The following ARHGEF26 variants were observed in gnomAD, a reference collection of about 807,000 sequenced individuals.
The protein encoded by ARHGEF26 is Rho guanine nucleotide exchange factor 26.
ARHGEF26 carries 59 observed loss-of-function variants against 89.4 expected under a neutral mutation model. That is an observed-to-expected ratio of 0.66 (90% CI 0.54 to 0.82). The LOEUF (loss-of-function observed/expected upper bound fraction) is 0.82, where lower values mean the gene tolerates loss of function less well. Among genes scored for constraint, ARHGEF26 ranks in the 40% least tolerant of loss-of-function variants. The probability of loss-of-function intolerance (pLI) is 0.00; values close to 1 mark genes in which losing one functional copy is unlikely to be tolerated. For synonymous variants in ARHGEF26, 500 were observed against 428.4 expected (o/e 1.17, Z -2.06); for missense variants, 1,234 against 1,085.6 (o/e 1.14, Z -1.92).
chr3:154,215,357 C>G (rs1715652965), intron 9 of ARHGEF26, among the ~76,000 whole-genome samples: 1 of 152,072 alleles, frequency 6.6e-6, no homozygotes, highest in African/African-American at 2.4e-5. Flanking sequence ...TTCCCACTCC[C>G]CTACTCACCT....
At chr3:154,141,970 C>T (rs1336051284) in intron 4 of ARHGEF26, among the ~76,000 whole-genome samples, 1 of 152,146 alleles carries the variant, frequency 6.6e-6, no homozygotes, top group Non-Finnish European at 1.5e-5. Flanking sequence ...AAGGCTAAAA[C>T]CCAGCCTACC....
chr3:154,204,290 T>G (rs1714861044), intron 9 of ARHGEF26, among the ~76,000 whole-genome samples: 1 of 151,848 alleles, frequency 6.6e-6, no homozygotes, highest in South Asian at 2.1e-4. Context: ...TTCTACCAAT[T>G]TTGGGTTTGG....
intron 11 of ARHGEF26, among the ~76,000 whole-genome samples, chr3:154,231,268 CTGAT>C (rs1171202740): frequency 2.6e-5 from 4 of 152,134 alleles, no homozygotes; most frequent in African/African-American, 9.7e-5. Context: ...CTTGATTCCT[CTGAT>C]GTTATGAGGT....
At chr3:154,226,933 C>G (rs1357947767) in intron 11 of ARHGEF26, among the ~76,000 whole-genome samples, 1 of 152,118 alleles carries the variant, frequency 6.6e-6, no homozygotes, top group Admixed American at 6.5e-5. Flanking sequence ...ATTATAGAAA[C>G]AGATCTCTAT....
chr3:154,122,894 A>AC lies in ARHGEF26; in HGVS notation c.903dup (p.Val302ArgfsTer3), dbSNP rs1718076876. The AC allele has an allele frequency of 6.2e-7, 1 of 1,613,048 alleles. No individual in the cohort carries two copies. The highest frequency in any genetic ancestry group is 1.3e-5 in the African/African-American group (1 of 74,940). Reference sequence around the variant, plus strand: ...GGGGAGGAGAGTGAGGTCGATAACGACGTGGATAGCCCAGGGTCTCTGCGG... The same window carrying AC: ...GGGGAGGAGAGTGAGGTCGATAACGACCGTGGATAGCCCAGGGTCTCTGCGG... On this transcript the variant is annotated frameshift_variant, in exon 2 of 15. Transcript: ENST00000465093. LOFTEE classifies it high-confidence loss of function.
At chr3:154,218,611 TTGTAAA>T (rs1215740176) in intron 10 of ARHGEF26, among the ~76,000 whole-genome samples, 2 of 152,236 alleles carry the variant, frequency 1.3e-5, no homozygotes, top group African/African-American at 4.8e-5. Flanking sequence ...GTTTTATAAC[TTGTAAA>T]TGTAATTAAA....
At chr3:154,147,418 A>G (rs1719767256) in intron 4 of ARHGEF26, among the ~76,000 whole-genome samples, 1 of 152,206 alleles carries the variant, frequency 6.6e-6, no homozygotes, top group Admixed American at 6.5e-5. Context: ...CTCAATAAAT[A>G]AATAAATACG....
chr3:154,201,823 T>C lies in ARHGEF26; in HGVS notation c.1845+7105T>C, dbSNP rs1288981919. Among the ~76,000 whole-genome samples, 4 of 152,372 alleles carry C rather than the reference T, an allele frequency of 2.6e-5. No individual in the cohort carries two copies. In the East Asian group the frequency reaches 7.7e-4, roughly 29 times the overall value. On this transcript the variant is annotated intron_variant, in intron 9 of 14. Transcript: ENST00000465093. The stretch of plus-strand genomic sequence containing the variant: ...TCTTCTTTTGAGAAGTATCTGTTCA[T>C]ATCCTTCACCCACTTGTTGATGGGG...
chr3:154,202,096 T>G (rs1714680612), intron 9 of ARHGEF26, among the ~76,000 whole-genome samples: 1 of 152,228 alleles, frequency 6.6e-6, no homozygotes, highest in Admixed American at 6.5e-5. Context: ...ATGTCCTGAA[T>G]GGTATTGCCT....
In ARHGEF26 at chr3:154,256,861, C is replaced by G; in HGVS notation, c.*1388C>G. 1 of 1,532,764 alleles carries G rather than the reference C, an allele frequency of 6.5e-7. No individual in the cohort carries two copies. Among genetic ancestry groups the G allele is most frequent in the Non-Finnish European group, 8.7e-7 (1 of 1,145,660 alleles). The allele number at this position is 1,532,764 out of a possible 1,614,324, so 94.9% of individuals were successfully genotyped here. ...GAGTTTCTATAGAACTTTACTTTTTCCACTAGTGCACAGAGAGAGAAAGGT... is the reference window on the plus strand; with the variant it reads ...GAGTTTCTATAGAACTTTACTTTTTGCACTAGTGCACAGAGAGAGAAAGGT... On this transcript the variant is annotated 3_prime_UTR_variant, in exon 15 of 15. Coordinates refer to ENST00000465093, the MANE Select transcript of ARHGEF26 (RefSeq NM_015595.4).
chr3:154,209,463 T>C (rs1351498158), intron 9 of ARHGEF26, among the ~76,000 whole-genome samples: 1 of 152,192 alleles, frequency 6.6e-6, no homozygotes, highest in Non-Finnish European at 1.5e-5. Context: ...CTGTATCTGC[T>C]TTAGGGGCAC....
Position 154,202,811 on chromosome 3 carries a change from G to T in ARHGEF26, c.1845+8093G>T, listed in dbSNP as rs1444232755. Among the ~76,000 whole-genome samples the T allele has an allele frequency of 9.9e-5, 14 of 141,446 alleles. No homozygotes were observed. The East Asian group carries it at 3.0e-3, about 30-fold the overall frequency. 92.8% of individuals were successfully genotyped at this position (141,446 alleles called of 152,430 possible). ...TGATTTGGCTCTCTGTCTGTTATTG[G>T]TGTATAAGAATGCTTGTGATTTTTG... On this transcript the variant is annotated intron_variant, in intron 9 of 14. Transcript: ENST00000465093.
chr3:154,212,357 G>A (rs1465008525), intron 9 of ARHGEF26, among the ~76,000 whole-genome samples: 1 of 151,128 alleles, frequency 6.6e-6, no homozygotes, highest in Non-Finnish European at 1.5e-5. Context: ...AAAAAAAAAG[G>A]GAAAATTGGA....
At chr3:154,177,485 CTG>C (rs1293338697) in intron 6 of ARHGEF26, among the ~76,000 whole-genome samples, 1 of 152,204 alleles carries the variant, frequency 6.6e-6, no homozygotes, top group African/African-American at 2.4e-5. Context: ...GTGGACATAA[CTG>C]TCTCTAATTC....
chr3:154,122,906 C>T lies in ARHGEF26; in HGVS notation c.914C>T (p.Pro305Leu), dbSNP rs1355450812. 13 of 1,613,164 alleles carry T rather than the reference C, an allele frequency of 8.1e-6. No homozygotes were observed. The highest frequency in any genetic ancestry group is 5.3e-5 in the African/African-American group (4 of 74,926). Residue 305 changes from proline to leucine, a missense_variant, in exon 2 of 15, where the codon CCA becomes CTA. Transcript: ENST00000465093. ...GAGGTCGATAACGACGTGGATAGCC[C>T]AGGGTCTCTGCGGAGAGGCTTGCGG... ...ESEVDNDVDSPGSLRRGLRST... is the reference protein window; with the variant it reads ...ESEVDNDVDSLGSLRRGLRST...
At chr3:154,241,629 G>A (rs773447378) in intron 12 of ARHGEF26, among the ~76,000 whole-genome samples, 5 of 152,200 alleles carry the variant, frequency 3.3e-5, no homozygotes, top group East Asian at 1.9e-4. Context: ...TTGCAGCAAC[G>A]TCTCCAGTAG....
At chr3:154,202,025 A>G (rs1228936756) in intron 9 of ARHGEF26, among the ~76,000 whole-genome samples, 1 of 151,956 alleles carries the variant, frequency 6.6e-6, no homozygotes, top group Non-Finnish European at 1.5e-5. Flanking sequence ...CCCATTTGTC[A>G]ATTTTGGCTT....
chr3:154,122,622 T>C lies in ARHGEF26; in HGVS notation c.630T>C (p.Ser210=), dbSNP rs1718044411. 6.2e-7 allele frequency: 1 copy of C among 1,613,800 alleles called. No homozygotes were observed. The change falls in exon 2 of 15, where the codon TCT becomes TCC. Residue 210 remains serine (S), a synonymous_variant. Coordinates refer to ENST00000465093, the MANE Select transcript of ARHGEF26 (RefSeq NM_015595.4). ...RGLFPGPQKS[S]SEQKLPLQRL... ...TCTTTCCTGGGCCCCAGAAAAGTTCTTCGGAACAAAAACTCCCCCTCCAAA... is the reference window on the plus strand; with the variant it reads ...TCTTTCCTGGGCCCCAGAAAAGTTCCTCGGAACAAAAACTCCCCCTCCAAA...
At chr3:154,139,278 C>T (rs1719210416) in intron 4 of ARHGEF26, among the ~76,000 whole-genome samples, 1 of 152,162 alleles carries the variant, frequency 6.6e-6, no homozygotes, top group Non-Finnish European at 1.5e-5. Flanking sequence ...CTGGGCTCAT[C>T]CTTGGGCCTC....
Sources: gnomAD v4.1 joint callset for allele counts (sites outside exome capture counted in the v4.1 genomes callset) on GRCh38, gnomAD v4.1.1 for gene constraint, MANE v1.5 for transcripts, NCBI Gene and HGNC (gene_info 2026-07-23, HGNC 2026-07-21) for gene names.